The following PTPRT variants were observed in gnomAD, a reference collection of about 807,000 sequenced individuals.
PTPRT encodes protein tyrosine phosphatase receptor type T, also known as receptor-type tyrosine-protein phosphatase T.
PTPRT carries 56 observed loss-of-function variants against 176.8 expected under a neutral mutation model. The observed-to-expected ratio is 0.32, with a 90% CI of 0.26 to 0.40. The LOEUF (loss-of-function observed/expected upper bound fraction) is 0.40. Ranked by LOEUF, PTPRT falls within the 10% of genes least tolerant of loss-of-function variation. The probability of loss-of-function intolerance (pLI) is 1.00; values close to 1 mark genes in which losing one functional copy is unlikely to be tolerated. For synonymous variants in PTPRT, 783 were observed against 739.0 expected, an observed-to-expected ratio of 1.06 and a Z score of -0.96; for missense variants, 1,540 against 1,908.2, an observed-to-expected ratio of 0.81 and a Z score of 3.60.
In PTPRT at chr20:42,486,636, C is replaced by T. The variant is rs193115967; in HGVS notation, c.1154-14074G>A. ...AATCACCCCCAAAGCCACGGGTTTA[C>T]AGCAACAGACATTTATTCTCAAGCT... is the stretch of plus-strand genomic sequence containing the variant. On this transcript the variant is annotated intron_variant, in intron 7 of 30. Coordinates refer to ENST00000373187, the MANE Select transcript of PTPRT (RefSeq NM_007050.6). Among the ~76,000 whole-genome samples the T allele has an allele frequency of 3.1e-4, 47 of 152,274 alleles. 2 individuals carry two copies. In the South Asian group the frequency reaches 9.5e-3, roughly 31 times the overall value.
chr20:42,595,166 G>A (rs968084550), intron 7 of PTPRT, among the ~76,000 whole-genome samples: 1 of 152,004 alleles, frequency 6.6e-6, no homozygotes, highest in African/African-American at 2.4e-5. Flanking sequence ...TGGGCACGGG[G>A]GTCATTATTC....
At chr20:43,094,091 C>CTTTTT (rs11478226) in intron 1 of PTPRT, among the ~76,000 whole-genome samples, 7 of 130,700 alleles carry the variant, frequency 5.4e-5, no homozygotes, top group Non-Finnish European at 1.1e-4. Flanking sequence ...TTCTTTCTTT[C>CTTTTT]TTTTTTTTTT....
chr20:42,367,793 G>T, intron 9 of PTPRT, among the ~76,000 whole-genome samples: 1 of 152,264 alleles, frequency 6.6e-6, no homozygotes, highest in Non-Finnish European at 1.5e-5. Flanking sequence ...GGGGTGAAAG[G>T]GGTGTGTGTG....
intron 2 of PTPRT, among the ~76,000 whole-genome samples, chr20:42,860,784 T>C (rs2078647492): frequency 6.6e-6 from 1 of 152,228 alleles, no homozygotes; most frequent in African/African-American, 2.4e-5. Context: ...CTTGGGGTTT[T>C]GGTAGATAAT....
At chr20:42,469,965 G>A (rs989097862) in intron 8 of PTPRT, among the ~76,000 whole-genome samples, 33 of 152,166 alleles carry the variant, frequency 2.2e-4, no homozygotes, top group South Asian at 4.1e-4. Flanking sequence ...TTTAGAACTC[G>A]CTTAGATGAA....
intron 7 of PTPRT, among the ~76,000 whole-genome samples, chr20:42,563,686 T>C (rs2072991356): frequency 6.6e-6 from 1 of 152,186 alleles, no homozygotes; most frequent in Non-Finnish European, 1.5e-5. Flanking sequence ...TGGATAAATA[T>C]GTCTTTATCA....
Position 42,098,460 on chromosome 20 carries a change from G to A in PTPRT, c.3807C>T (p.Cys1269=), listed in dbSNP as rs757950368. Residue 1269 remains cysteine (C), a synonymous_variant, in exon 27 of 31, where the codon TGC becomes TGT. Coordinates refer to ENST00000373187, the MANE Select transcript of PTPRT (RefSeq NM_007050.6). ...TCTCATTCAGCATCACCACAGAGGA[G>A]CAGTTGTAATCGAACACCAGCCTCC... The part of the protein sequence containing the change: ...DFWRLVFDYN[C]SSVVMLNEMD... The A allele has an allele frequency of 2.5e-6, 4 of 1,614,200 alleles. No individual in the cohort carries two copies. Among genetic ancestry groups the A allele is most frequent in the Admixed American group, 1.7e-5 (1 of 60,028 alleles).
intron 13 of PTPRT, among the ~76,000 whole-genome samples, chr20:42,261,335 C>A (rs1235914559): frequency 6.6e-6 from 1 of 151,394 alleles, no homozygotes; most frequent in Admixed American, 6.6e-5. Context: ...TGTAAGGACA[C>A]CGGGCATATT....
chr20:42,970,453 C>A (rs932370819), intron 1 of PTPRT, among the ~76,000 whole-genome samples: 1 of 152,172 alleles, frequency 6.6e-6, no homozygotes, highest in African/African-American at 2.4e-5. Context: ...GACCCTGGAG[C>A]TAGACAGGTT....
At chr20:42,456,429 T>C (rs1179189425) in intron 8 of PTPRT, among the ~76,000 whole-genome samples, 1 of 152,112 alleles carries the variant, frequency 6.6e-6, no homozygotes, top group African/African-American at 2.4e-5. Flanking sequence ...ATGATATGTC[T>C]ATCTCCAATT....
chr20:42,040,467 C>T, the PTPRT span, among the ~76,000 whole-genome samples: 1,565 of 152,148 alleles, frequency 0.01, 32 homozygotes, highest in African/African-American at 0.036. Flanking sequence ...TAGAGAGATA[C>T]CTTGTGAGAT....
chr20:42,193,122 A>C (rs1226352827), intron 16 of PTPRT, among the ~76,000 whole-genome samples: 1 of 152,326 alleles, frequency 6.6e-6, no homozygotes, highest in East Asian at 1.9e-4. Context: ...CCCATTATCT[A>C]TTTGTCATAT....
intron 7 of PTPRT, among the ~76,000 whole-genome samples, chr20:42,613,789 CTGTTT>C (rs2074015369): frequency 6.6e-6 from 1 of 152,170 alleles, no homozygotes; most frequent in Non-Finnish European, 1.5e-5. Flanking sequence ...TCAGTCTCTT[CTGTTT>C]TATCTCCTTT....
At chr20:42,716,356 C>A (rs1320522000) in intron 6 of PTPRT, among the ~76,000 whole-genome samples, 1 of 152,226 alleles carries the variant, frequency 6.6e-6, no homozygotes, top group East Asian at 1.9e-4. Flanking sequence ...AACTAGTTTA[C>A]AGTCCCACCA....
At chr20:42,154,958 C>A (rs6016701) in intron 17 of PTPRT, among the ~76,000 whole-genome samples, 1 of 152,120 alleles carries the variant, frequency 6.6e-6, no homozygotes, top group Admixed American at 6.5e-5. Flanking sequence ...ATCACATGCC[C>A]TTTCATCAGC....
At chr20:42,854,670 G>T (rs1251165835) in intron 2 of PTPRT, among the ~76,000 whole-genome samples, 3 of 152,144 alleles carry the variant, frequency 2.0e-5, no homozygotes, top group African/African-American at 7.2e-5. Context: ...GCAATCACTG[G>T]GGGAAAAAAT....
At chr20:43,046,705 A>G (rs1246360022) in intron 1 of PTPRT, among the ~76,000 whole-genome samples, 1 of 152,212 alleles carries the variant, frequency 6.6e-6, no homozygotes, top group East Asian at 1.9e-4. Context: ...TCCCAACACC[A>G]GCATCCTGCA....
chr20:42,465,058 G>A (rs1294105913), intron 8 of PTPRT, among the ~76,000 whole-genome samples: 1 of 151,228 alleles, frequency 6.6e-6, no homozygotes, highest in Non-Finnish European at 1.5e-5. Flanking sequence ...ATAATATTAT[G>A]GTATATATTA....
chr20:42,695,127 T>C (rs1219435107), intron 6 of PTPRT, among the ~76,000 whole-genome samples: 1 of 152,262 alleles, frequency 6.6e-6, no homozygotes, highest in African/African-American at 2.4e-5. Context: ...TAGACATTAG[T>C]CCTTTGTCAT....
Sources: gnomAD v4.1 joint callset for allele counts (sites outside exome capture counted in the v4.1 genomes callset) on GRCh38, gnomAD v4.1.1 for gene constraint, MANE v1.5 for transcripts, NCBI Gene and HGNC (gene_info 2026-07-23, HGNC 2026-07-21) for gene names.